Variants in DLGAP2 observed in about 807,000 individuals in gnomAD.
The protein encoded by DLGAP2 is disks large-associated protein 2.
A neutral mutation model predicts 100.3 loss-of-function variants in DLGAP2; 26 were observed. That is an observed-to-expected ratio of 0.26 (90% CI 0.19 to 0.36). DLGAP2 has a LOEUF of 0.36. DLGAP2 is among the 10% of genes least tolerant of loss of function. The pLI is 1.00. For synonymous variants in DLGAP2, 886 were observed against 630.1 expected, an observed-to-expected ratio of 1.41 and a Z score of -6.08; for missense variants, 1,858 against 1,453.2, an observed-to-expected ratio of 1.28 and a Z score of -4.53.
In DLGAP2 at chr8:1,277,216, C is replaced by T. The variant is rs183460219; in HGVS notation, c.106+18333C>T. On this transcript the variant is annotated intron_variant, in intron 3 of 14. Coordinates refer to ENST00000637795, the MANE Select transcript of DLGAP2 (RefSeq NM_001346810.2). ...ATTTTACTAATGAATTTTTGGAACC[C>T]AGGAGTGACTTATAACATGTGCTTC... Among the ~76,000 whole-genome samples the T allele has an allele frequency of 2.0e-5, 3 of 152,182 alleles. No individual in the cohort carries two copies. In the East Asian group the frequency reaches 5.8e-4, roughly 29 times the overall value.
intron 13 of DLGAP2, among the ~76,000 whole-genome samples, chr8:1,695,371 C>T (rs973104750): frequency 2.1e-5 from 3 of 143,852 alleles, no homozygotes; most frequent in Admixed American, 2.0e-4. Flanking sequence ...CCATGCCCGG[C>T]CCTACAGAAA....
rs144460356 is a variant in DLGAP2, at chr8:1,114,733, C to A, written c.74-144118C>A. Among the ~76,000 whole-genome samples the A allele has an allele frequency of 3.6e-3, 547 of 152,020 alleles. 1 individual carries two copies. The highest frequency in any genetic ancestry group is 5.3e-3 in the Non-Finnish European group (357 of 67,978). ...GATTTTGGTTATTTCTTGTCTTCTG[C>A]TAGCTTTGGAGTTGATTTGTTCTTG... On this transcript the variant is annotated intron_variant, in intron 2 of 14. Coordinates refer to ENST00000637795, the MANE Select transcript of DLGAP2 (RefSeq NM_001346810.2).
At position 1,703,598 on chromosome 8, in the gene DLGAP2, C is replaced by T. The variant is rs572648598; in HGVS notation, c.*2192C>T. 2 of 152,322 alleles carry T rather than the reference C, an allele frequency of 1.3e-5. No homozygotes were observed. The highest frequency in any genetic ancestry group is 4.2e-4 in the South Asian group (2 of 4,816). The allele number at this position is 152,322 out of a possible 1,614,324, so 9.4% of individuals were successfully genotyped here. A position where few individuals can be genotyped will look rare whatever the true frequency, so the allele number is the denominator to read the frequency against. ...ATGTAATGTGGATAAAGGCCCGCCA[C>T]CTCCTCACATTGGTCTATCTACTGG... On this transcript the variant is annotated 3_prime_UTR_variant, in exon 15 of 15. Transcript: ENST00000637795.
intron 7 of DLGAP2, among the ~76,000 whole-genome samples, chr8:1,630,098 C>G: frequency 1.3e-5 from 2 of 152,044 alleles, no homozygotes; most frequent in Middle Eastern, 6.8e-3. Flanking sequence ...ATGCAGAGTT[C>G]TATGGCATTA....
chr8:765,792 GACAC>G (rs143027178), intron 1 of DLGAP2, among the ~76,000 whole-genome samples: 8 of 151,918 alleles, frequency 5.3e-5, no homozygotes, highest in Admixed American at 1.3e-4. Context: ...CATGTACACA[GACAC>G]ACACACACGC....
chr8:1,139,192 G>GGGT (rs1185863546), intron 2 of DLGAP2, among the ~76,000 whole-genome samples: 1 of 152,198 alleles, frequency 6.6e-6, no homozygotes, highest in African/African-American at 2.4e-5. Context: ...TGTGAGACTG[G>GGGT]GGTGTGCACA....
At chr8:1,535,173 C>A (rs1801116469) in intron 4 of DLGAP2, among the ~76,000 whole-genome samples, 1 of 152,230 alleles carries the variant, frequency 6.6e-6, no homozygotes, top group Non-Finnish European at 1.5e-5. Flanking sequence ...AGAAGTCCCC[C>A]CAGGGGTAGT....
rs1453432080 is a variant in DLGAP2, at chr8:1,702,495, A to G, written c.*1089A>G. Reference sequence around the variant, plus strand: ...ATGGTAAAGAAGAAATGTAGTTTACATTTGTATTTTTCCAGAATTCTTTTG... The same window carrying G: ...ATGGTAAAGAAGAAATGTAGTTTACGTTTGTATTTTTCCAGAATTCTTTTG... On this transcript the variant is annotated 3_prime_UTR_variant, in exon 15 of 15. Coordinates refer to ENST00000637795, the MANE Select transcript of DLGAP2 (RefSeq NM_001346810.2). The G allele has an allele frequency of 6.6e-6, 1 of 152,630 alleles. No homozygotes were observed. Among genetic ancestry groups the G allele is most frequent in the Non-Finnish European group, 1.5e-5 (1 of 68,042 alleles). 9.5% of individuals were successfully genotyped at this position (152,630 alleles called of 1,614,324 possible). A position where few individuals can be genotyped will look rare whatever the true frequency, so the allele number is the denominator to read the frequency against.
At chr8:1,272,167 A>G (rs1799597141) in intron 3 of DLGAP2, among the ~76,000 whole-genome samples, 1 of 152,198 alleles carries the variant, frequency 6.6e-6, no homozygotes, top group African/African-American at 2.4e-5. Flanking sequence ...AAGAAAGTTG[A>G]TGTAATCACA....
At chr8:761,598 C>A (rs1474938868) in intron 1 of DLGAP2, among the ~76,000 whole-genome samples, 1 of 152,206 alleles carries the variant, frequency 6.6e-6, no homozygotes, top group Non-Finnish European at 1.5e-5. Context: ...GGCACTGGGT[C>A]CCCTCCATGC....
At chr8:1,516,419 GTGAC>G (rs1363278792) in intron 4 of DLGAP2, among the ~76,000 whole-genome samples, 1 of 148,728 alleles carries the variant, frequency 6.7e-6, no homozygotes, top group African/African-American at 2.5e-5. Flanking sequence ...GAAAGAGTGA[GTGAC>G]TGAATGAGTG....
intron 4 of DLGAP2, among the ~76,000 whole-genome samples, chr8:1,508,267 CCCCCTGCCATACCCCGCAAA>C (rs1800003681): frequency 6.7e-6 from 1 of 149,128 alleles, no homozygotes; most frequent in Admixed American, 6.6e-5. Flanking sequence ...TCCCGGGCTG[CCCCCTGCCATACCCCGCAAA>C]CCCCCGCCAC....
At chr8:1,280,161 C>T (rs1309227684) in intron 3 of DLGAP2, among the ~76,000 whole-genome samples, 4 of 152,130 alleles carry the variant, frequency 2.6e-5, no homozygotes, top group Non-Finnish European at 5.9e-5. Context: ...TTCATTCATT[C>T]CTGATGGTTT....
chr8:917,594 G>T (rs1281170692), intron 2 of DLGAP2, among the ~76,000 whole-genome samples: 1 of 151,572 alleles, frequency 6.6e-6, no homozygotes, highest in Admixed American at 6.6e-5. Context: ...TTCTTTTGTT[G>T]TTGCTGAGAC....
At chr8:1,044,931 A>G (rs892400963) in intron 2 of DLGAP2, among the ~76,000 whole-genome samples, 5 of 152,156 alleles carry the variant, frequency 3.3e-5, no homozygotes, top group Admixed American at 1.3e-4. Context: ...CCATCACCCC[A>G]TGGTGAGGCC....
chr8:906,297 G>A (rs570867230), intron 1 of DLGAP2, among the ~76,000 whole-genome samples: 194 of 152,352 alleles, frequency 1.3e-3, no homozygotes, highest in Middle Eastern at 3.4e-3. Flanking sequence ...AGGATGTGGC[G>A]GAGCCTCCCT....
chr8:1,020,121 A>G (rs867081774), intron 2 of DLGAP2, among the ~76,000 whole-genome samples: 1 of 152,242 alleles, frequency 6.6e-6, no homozygotes, highest in African/African-American at 2.4e-5. Context: ...AATAAATCAT[A>G]CAATTATTCA....
Position 1,198,509 on chromosome 8 carries a change from C to T in DLGAP2, c.74-60342C>T, listed in dbSNP as rs11985855. On this transcript the variant is annotated intron_variant, in intron 2 of 14. Transcript: ENST00000637795. ...CCTGTGGTCCAGAAGGATGAGCATCCCCCAGAGCTCGGGGGAAGGGGCTGC... is the reference window on the plus strand; with the variant it reads ...CCTGTGGTCCAGAAGGATGAGCATCTCCCAGAGCTCGGGGGAAGGGGCTGC... Among the ~76,000 whole-genome samples the T allele has an allele frequency of 3.4e-3, 523 of 152,128 alleles. 2 individuals are homozygous for T. The highest frequency in any genetic ancestry group is 0.012 in the African/African-American group (498 of 41,490).
intron 6 of DLGAP2, among the ~76,000 whole-genome samples, chr8:1,606,175 A>C (rs901768871): frequency 6.6e-6 from 1 of 152,218 alleles, no homozygotes; most frequent in Non-Finnish European, 1.5e-5. Flanking sequence ...TCAAGTCTAC[A>C]TTCTGAACGT....
Sources: gnomAD v4.1 joint callset for allele counts (sites outside exome capture counted in the v4.1 genomes callset) on GRCh38, gnomAD v4.1.1 for gene constraint, MANE v1.5 for transcripts, NCBI Gene and HGNC (gene_info 2026-07-23, HGNC 2026-07-21) for gene names.